PTPRQ: variants seen among roughly 807,000 people sequenced by gnomAD.
PTPRQ encodes phosphatidylinositol phosphatase PTPRQ.
A neutral mutation model predicts 246.0 loss-of-function variants in PTPRQ; 199 were observed. The observed-to-expected ratio is 0.81, with a 90% CI of 0.72 to 0.91. The LOEUF (loss-of-function observed/expected upper bound fraction) is 0.91, where lower values mean the gene tolerates loss of function less well. PTPRQ is among the 40% of genes least tolerant of loss of function. The pLI, the probability that PTPRQ is intolerant of heterozygous loss-of-function variation, is 0.00. For synonymous variants in PTPRQ, 869 were observed against 853.2 expected, an observed-to-expected ratio of 1.02 and a Z score of -0.32; for missense variants, 2,624 against 2,528.4, an observed-to-expected ratio of 1.04 and a Z score of -0.81.
chr12:80,548,823 G>A (rs559230531), intron 24 of PTPRQ, among the ~76,000 whole-genome samples: 72 of 152,104 alleles, frequency 4.7e-4, no homozygotes, highest in African/African-American at 1.6e-3. Context: ...ATTGTTCTTT[G>A]ACCAGGCCTA....
chr12:80,669,163 T>C, intron 40 of PTPRQ, 22 bp downstream of exon 40: 1 of 1,540,886 alleles, frequency 6.5e-7, no homozygotes, highest in Non-Finnish European at 8.8e-7. Flanking sequence ...GAAAATGTTT[T>C]ACAAATGTTG....
At chr12:80,655,981 G>A (rs1390190550) in intron 38 of PTPRQ, among the ~76,000 whole-genome samples, 1 of 152,168 alleles carries the variant, frequency 6.6e-6, no homozygotes, top group African/African-American at 2.4e-5. Flanking sequence ...GACGACCTAT[G>A]ACCTTCAGAA....
chr12:80,509,117 A>T (rs1895049643), intron 16 of PTPRQ, among the ~76,000 whole-genome samples: 1 of 152,052 alleles, frequency 6.6e-6, no homozygotes, highest in Non-Finnish European at 1.5e-5. Flanking sequence ...GATAATCAAT[A>T]TTTGATAGCA....
chr12:80,663,372 T>C (rs898373075), intron 39 of PTPRQ, among the ~76,000 whole-genome samples: 1 of 151,936 alleles, frequency 6.6e-6, no homozygotes, highest in African/African-American at 2.4e-5. Context: ...AGGTACTGGC[T>C]TTCTGGCCTT....
chr12:80,534,802 T>G, intron 18 of PTPRQ, 90 bp from the exon 19 acceptor site: 1 of 1,423,456 alleles, frequency 7.0e-7, no homozygotes, highest in Non-Finnish European at 9.3e-7. Context: ...TTTATCACTT[T>G]AATTTATAAA....
Position 80,459,404 on chromosome 12 carries a change from A to G in PTPRQ, c.581A>G (p.His194Arg), listed in dbSNP as rs1373916418. The G allele has an allele frequency of 5.0e-6, 2 of 398,392 alleles. No homozygotes were observed. Among genetic ancestry groups the G allele is most frequent in the African/African-American group, 2.1e-5 (1 of 48,634 alleles). The allele number at this position is 398,392 out of a possible 1,614,324, so 24.7% of individuals were successfully genotyped here. Reference protein sequence around the residue: ...KITSFKISVKHARSGIVVKDV... With the variant: ...KITSFKISVKRARSGIVVKDV... ...ACCAGCTTCAAGATTAGTGTCAAGC[A>G]TGCCAGAAGTGGGATAGTAGTGAAA... is the stretch of plus-strand genomic sequence containing the variant. The change falls in exon 5 of 45, where the codon CAT (histidine) becomes CGT (arginine). Residue 194 changes from histidine (H) to arginine (R), a missense_variant. By Grantham distance (29) the His-to-Arg change is conservative (BLOSUM62 0). Transcript: ENST00000644991.
intron 8 of PTPRQ, among the ~76,000 whole-genome samples, chr12:80,483,394 G>A (rs1452192775): frequency 3.3e-4 from 35 of 105,796 alleles, no homozygotes; most frequent in Non-Finnish European, 5.4e-4. Flanking sequence ...GGGGAGGGGG[G>A]AGGGATAGCA....
chr12:80,465,546 C>T (rs1326281093), intron 6 of PTPRQ: 2 of 152,188 alleles, frequency 1.3e-5, no homozygotes, highest in African/African-American at 2.4e-5. Flanking sequence ...GGTAGAGACA[C>T]AACCAAAAAA....
At chr12:80,469,213 A>T (rs1041782281) in intron 7 of PTPRQ, among the ~76,000 whole-genome samples, 1 of 152,218 alleles carries the variant, frequency 6.6e-6, no homozygotes, top group African/African-American at 2.4e-5. Context: ...CACTGCTAGG[A>T]GCCTAGTTTT....
intron 23 of PTPRQ, 89 bp downstream of exon 23, chr12:80,542,970 A>T (rs1896200080): frequency 2.3e-6 from 2 of 881,172 alleles, no homozygotes; most frequent in South Asian, 2.7e-5. Context: ...ATGGACTACT[A>T]AATTAAACAA....
chr12:80,544,071 A>T (rs2120848283), intron 23 of PTPRQ, among the ~76,000 whole-genome samples: 1 of 152,200 alleles, frequency 6.6e-6, no homozygotes, highest in East Asian at 1.9e-4. Context: ...CAGAATGGTG[A>T]TCTGTAACAT....
intron 2 of PTPRQ, 39 bp downstream of exon 2, chr12:80,444,888 T>C: frequency 1.4e-6 from 2 of 1,466,408 alleles, no homozygotes; most frequent in Admixed American, 2.2e-5. Flanking sequence ...AGTAAAGTAT[T>C]TGGAGTCAGT....
rs1901230762 is a variant in PTPRQ, at chr12:80,678,894, T to C, written c.6863-92T>C. The C allele has an allele frequency of 4.8e-6, 7 of 1,463,056 alleles. No individual in the cohort carries two copies. In the Middle Eastern group the frequency reaches 7.8e-4, roughly 162 times the overall value. The allele number at this position is 1,463,056 out of a possible 1,614,324, so 90.6% of individuals were successfully genotyped here. On this transcript the variant is annotated intron_variant, in intron 44 of 44. Transcript: ENST00000644991. ...AATCCAAGTTGGGCTAATAATACCC[T>C]TTCTGTCTACATTATATTTTTATCA... is the stretch of plus-strand genomic sequence containing the variant.
intron 39 of PTPRQ, among the ~76,000 whole-genome samples, chr12:80,658,913 T>G (rs1447895257): frequency 6.6e-6 from 1 of 152,010 alleles, no homozygotes; most frequent in Non-Finnish European, 1.5e-5. Context: ...TTATATGACG[T>G]TCCACCCTTT....
chr12:80,463,580 T>C (rs1397794186), intron 6 of PTPRQ, among the ~76,000 whole-genome samples: 2 of 151,464 alleles, frequency 1.3e-5, no homozygotes, highest in African/African-American at 4.9e-5. Flanking sequence ...TTCACCAAAG[T>C]TGAAATGAAG....
intron 33 of PTPRQ, among the ~76,000 whole-genome samples, chr12:80,630,694 A>G (rs1899395586): frequency 6.6e-6 from 1 of 152,112 alleles, no homozygotes; most frequent in South Asian, 2.1e-4. Context: ...TGAATCAACT[A>G]TTTCGTTAGA....
intron 16 of PTPRQ, among the ~76,000 whole-genome samples, chr12:80,509,097 A>G (rs1009039392): frequency 1.8e-4 from 28 of 152,072 alleles, no homozygotes; most frequent in Non-Finnish European, 1.5e-5. Context: ...ACTGATGTAT[A>G]CATTCCTGTG....
chr12:80,668,617 C>A (rs915406192), intron 39 of PTPRQ, among the ~76,000 whole-genome samples: 188 of 151,966 alleles, frequency 1.2e-3, no homozygotes, highest in African/African-American at 4.2e-3. Flanking sequence ...GCTTCAATAT[C>A]TTCATCTATA....
chr12:80,535,761 G>A (rs1592626370), intron 19 of PTPRQ, among the ~76,000 whole-genome samples: 3 of 152,262 alleles, frequency 2.0e-5, no homozygotes, highest in Admixed American at 1.3e-4. Flanking sequence ...CATATAAAAA[G>A]GATAATTGGA....
Sources: gnomAD v4.1 joint callset for allele counts (sites outside exome capture counted in the v4.1 genomes callset) on GRCh38, gnomAD v4.1.1 for gene constraint, MANE v1.5 for transcripts, NCBI Gene and HGNC (gene_info 2026-07-23, HGNC 2026-07-21) for gene names.